GLP2R: variants seen among roughly 807,000 people sequenced by gnomAD.
GLP2R encodes glucagon-like peptide 2 receptor.
A neutral mutation model predicts 68.2 loss-of-function variants in GLP2R; 59 were observed. The observed-to-expected ratio is 0.87, with a 90% CI of 0.70 to 1.07. The LOEUF (loss-of-function observed/expected upper bound fraction) is 1.07, where lower values mean the gene tolerates loss of function less well. Ranked by LOEUF, GLP2R falls within the 50% of genes least tolerant of loss-of-function variation. The pLI is 0.00. For missense variants in GLP2R, 548 were observed against 677.4 expected, an observed-to-expected ratio of 0.81 and a Z score of 2.12; for synonymous variants, 270 against 265.4, an observed-to-expected ratio of 1.02 and a Z score of -0.17.
intron 10 of GLP2R, among the ~76,000 whole-genome samples, chr17:9,876,474 A>T (rs1455202024): frequency 6.6e-6 from 1 of 152,144 alleles, no homozygotes; most frequent in Non-Finnish European, 1.5e-5. Flanking sequence ...AACAAAGGAG[A>T]TCTAATGGTT....
chr17:9,854,938 T>C (rs1475644418), intron 5 of GLP2R, among the ~76,000 whole-genome samples: 4 of 152,244 alleles, frequency 2.6e-5, no homozygotes, highest in Admixed American at 2.0e-4. Context: ...ATGTTCACCC[T>C]TCTTTTTGTG....
chr17:9,858,530 C>A (rs1378117164), intron 6 of GLP2R, among the ~76,000 whole-genome samples: 1 of 152,174 alleles, frequency 6.6e-6, no homozygotes, highest in Admixed American at 6.5e-5. Flanking sequence ...TTTCACTATT[C>A]TCTGGAAGAA....
intron 6 of GLP2R, among the ~76,000 whole-genome samples, chr17:9,859,628 T>TAAAAA (rs150895787): frequency 1.6e-5 from 2 of 123,654 alleles, no homozygotes; most frequent in Admixed American, 1.5e-4. Context: ...CTGTGTCTAC[T>TAAAAA]AAAAAAAAAT....
intron 10 of GLP2R, among the ~76,000 whole-genome samples, chr17:9,871,333 G>A (rs1337578681): frequency 6.8e-6 from 1 of 147,976 alleles, no homozygotes; most frequent in Non-Finnish European, 1.5e-5. Context: ...CAGCCTGGGT[G>A]ACCCTGTCTC....
At chr17:9,859,475 CAA>C in intron 6 of GLP2R, among the ~76,000 whole-genome samples, 1 of 151,942 alleles carries the variant, frequency 6.6e-6, no homozygotes, top group African/African-American at 2.4e-5. Flanking sequence ...AGATGGTCAG[CAA>C]AGGTCTGGGA....
At chr17:9,869,199 C>A (rs529813179) in intron 9 of GLP2R, among the ~76,000 whole-genome samples, 49 of 152,304 alleles carry the variant, frequency 3.2e-4, no homozygotes, top group African/African-American at 1.1e-3. Context: ...GAAACTACTT[C>A]CCAACTGATC....
chr17:9,855,538 A>G (rs1209446398), intron 5 of GLP2R, among the ~76,000 whole-genome samples: 4 of 152,228 alleles, frequency 2.6e-5, no homozygotes, highest in African/African-American at 9.7e-5. Context: ...AAGGTAAACA[A>G]ATGGATGGAA....
At chr17:9,833,192 A>G (rs929847346) in intron 1 of GLP2R, among the ~76,000 whole-genome samples, 1 of 152,018 alleles carries the variant, frequency 6.6e-6, no homozygotes, top group Non-Finnish European at 1.5e-5. Context: ...TGAACCCAGG[A>G]GGCAGAGGTT....
intron 3 of GLP2R, among the ~76,000 whole-genome samples, chr17:9,839,388 A>G (rs568456332): frequency 2.0e-5 from 3 of 151,660 alleles, no homozygotes; most frequent in East Asian, 3.9e-4. Flanking sequence ...GAGGAAAACA[A>G]ACTCCTCTTC....
At chr17:9,885,750 A>G (rs2067238873) in intron 11 of GLP2R, among the ~76,000 whole-genome samples, 1 of 151,468 alleles carries the variant, frequency 6.6e-6, no homozygotes. Context: ...TAAAAAAAGG[A>G]GTCACAAAGT....
At position 9,887,820 on chromosome 17, in the gene GLP2R, G is replaced by A. The variant is rs149680276; in HGVS notation, c.1285-112G>A. On this transcript the variant is annotated intron_variant, in intron 11 of 12. Coordinates refer to ENST00000262441, the MANE Select transcript of GLP2R (RefSeq NM_004246.3). ...GTTAGTGTAAGCAATGCAGTTGCAC[G>A]CCTCTTCTGGAGACTCCTTACGACC... 1.3e-3 allele frequency: 991 copies of A among 790,554 alleles called. 3 individuals are homozygous for A. The highest frequency in any genetic ancestry group is 2.0e-3 in the Non-Finnish European group (860 of 429,940). The allele number at this position is 790,554 out of a possible 1,614,324, so 49.0% of individuals were successfully genotyped here. A position where few individuals can be genotyped will look rare whatever the true frequency, so the allele number is the denominator to read the frequency against.
rs2066944186 is a variant in GLP2R at position 9,857,443 on chromosome 17, A to G, written c.632A>G (p.Asn211Ser). The change falls in exon 6 of 13, where the codon AAC becomes AGC. Residue 211 changes from asparagine (N) to serine (S), a missense_variant. Asn to Ser is a conservative substitution (Grantham distance 46). Transcript: ENST00000262441. ...CACAGAAAACTCCACTGCACGCGCA[A>G]CTACATCCACATGAACTTGTTTGCT... ...LFLRKLHCTR[N>S]YIHMNLFASF... 5.0e-6 allele frequency: 8 copies of G among 1,614,204 alleles called. No homozygotes were observed. Among genetic ancestry groups the G allele is most frequent in the Non-Finnish European group, 6.8e-6 (8 of 1,180,036 alleles).
chr17:9,865,964 T>C, intron 9 of GLP2R: 1 of 469,340 alleles, frequency 2.1e-6, no homozygotes. Flanking sequence ...TCTTCATGTC[T>C]ATCAGTTTAC....
intron 10 of GLP2R, among the ~76,000 whole-genome samples, chr17:9,877,812 G>A (rs1160994712): frequency 1.3e-5 from 2 of 150,004 alleles, no homozygotes; most frequent in Non-Finnish European, 3.0e-5. Context: ...GGAAGGCGGA[G>A]GTTGCAGTGA....
At chr17:9,838,715 A>AT (rs745881306) in intron 3 of GLP2R, among the ~76,000 whole-genome samples, 1 of 152,254 alleles carries the variant, frequency 6.6e-6, no homozygotes, top group Non-Finnish European at 1.5e-5. Flanking sequence ...TCCACCCGCC[A>AT]TTCTGTGCAT....
intron 4 of GLP2R, chr17:9,853,189 G>A (rs1391876704): frequency 2.8e-5 from 11 of 393,342 alleles, no homozygotes; most frequent in Non-Finnish European, 4.7e-5. Context: ...AAGATAAGTG[G>A]TGTTCCTTTT....
intron 3 of GLP2R, among the ~76,000 whole-genome samples, chr17:9,841,151 G>C (rs1274799468): frequency 6.6e-6 from 1 of 151,626 alleles, no homozygotes; most frequent in Non-Finnish European, 1.5e-5. Flanking sequence ...CTAGTAGCTG[G>C]GACTACAGGA....
chr17:9,838,126 ACT>A (rs575398659), intron 3 of GLP2R, among the ~76,000 whole-genome samples: 3 of 152,066 alleles, frequency 2.0e-5, no homozygotes, highest in African/African-American at 7.2e-5. Flanking sequence ...GGATCGGAGG[ACT>A]CTGAATGACT....
intron 3 of GLP2R, among the ~76,000 whole-genome samples, chr17:9,837,951 C>T (rs1366347983): frequency 6.6e-6 from 1 of 152,010 alleles, no homozygotes; most frequent in Admixed American, 6.6e-5. Context: ...ATGTTTTGCG[C>T]CTCTAGAGCA....
Sources: allele counts gnomAD v4.1 joint callset (sites outside exome capture counted in the v4.1 genomes callset), GRCh38; gene constraint gnomAD v4.1.1; transcripts MANE v1.5; gene names NCBI Gene and HGNC (gene_info 2026-07-23, HGNC 2026-07-21).